Variants in USP30 observed in about 807,000 individuals in gnomAD.
USP30 encodes ubiquitin carboxyl-terminal hydrolase 30.
Under a neutral mutation model 68.2 loss-of-function variants are expected in USP30, and 41 were observed. The observed-to-expected ratio is 0.60, with a 90% CI of 0.47 to 0.78. USP30 has a LOEUF of 0.78. Ranked by LOEUF, USP30 falls within the 30% of genes least tolerant of loss-of-function variation. USP30 has a pLI of 0.00. For synonymous variants in USP30, 229 were observed against 253.7 expected (o/e 0.90, Z 0.93); for missense variants, 522 against 649.4 (o/e 0.80, Z 2.13).
chr12:109,079,118 C>T (rs2041703416), intron 7 of USP30, among the ~76,000 whole-genome samples: 1 of 151,768 alleles, frequency 6.6e-6, no homozygotes, highest in South Asian at 2.1e-4. Context: ...TAAATTTGTA[C>T]TTTTTTTAAC....
intron 3 of USP30, among the ~76,000 whole-genome samples, chr12:109,028,303 T>C (rs916179854): frequency 6.6e-6 from 1 of 152,120 alleles, no homozygotes; most frequent in Admixed American, 6.6e-5. Flanking sequence ...GGGTAATTTA[T>C]AAAGAAAAGA....
intron 3 of USP30, among the ~76,000 whole-genome samples, chr12:109,045,970 G>A (rs1458331121): frequency 6.6e-6 from 1 of 152,030 alleles, no homozygotes; most frequent in Non-Finnish European, 1.5e-5. Context: ...AAGCTAGCAA[G>A]TCCAAAATCT....
chr12:109,079,256 T>C (rs1161929884), intron 7 of USP30, among the ~76,000 whole-genome samples: 1 of 151,672 alleles, frequency 6.6e-6, no homozygotes, highest in African/African-American at 2.4e-5. Flanking sequence ...ATCTTTCTTC[T>C]GTGTGTTCTT....
intron 11 of USP30, among the ~76,000 whole-genome samples, 188 bp downstream of exon 11, chr12:109,083,250 C>G (rs2135829840): frequency 6.6e-6 from 1 of 152,300 alleles, no homozygotes; most frequent in East Asian, 1.9e-4. Context: ...AATTATGTAG[C>G]AGTGAGATGT....
intron 3 of USP30, among the ~76,000 whole-genome samples, chr12:109,041,783 G>A (rs902700224): frequency 9.9e-5 from 15 of 151,940 alleles, no homozygotes; most frequent in African/African-American, 3.1e-4. Context: ...TTGGAAGGTC[G>A]AACTGTGAGT....
intron 3 of USP30, among the ~76,000 whole-genome samples, chr12:109,029,607 A>AC (rs1281357692): frequency 6.6e-6 from 1 of 151,362 alleles, no homozygotes; most frequent in Non-Finnish European, 1.5e-5. Context: ...GAGACTTTCC[A>AC]CCCTCCCTCC....
intron 8 of USP30, 59 bp from the exon 9 acceptor site, chr12:109,081,874 A>G (rs1326537313): frequency 6.5e-7 from 1 of 1,530,322 alleles, no homozygotes; most frequent in Non-Finnish European, 9.1e-7. Context: ...GCCATCTGCT[A>G]ACAGTTTCAG....
chr12:109,041,870 C>G (rs1444881891), intron 3 of USP30, among the ~76,000 whole-genome samples: 5 of 151,500 alleles, frequency 3.3e-5, no homozygotes, highest in Non-Finnish European at 7.4e-5. Flanking sequence ...GAAGCACAAC[C>G]AGAAAAAAAT....
chr12:109,064,582 A>T (rs972093494), intron 3 of USP30, among the ~76,000 whole-genome samples: 1 of 152,164 alleles, frequency 6.6e-6, no homozygotes, highest in Non-Finnish European at 1.5e-5. Flanking sequence ...ACCTGGCCTC[A>T]TTCACTTTTA....
chr12:109,084,239 A>C (rs1022104269), intron 11 of USP30, among the ~76,000 whole-genome samples: 3 of 152,206 alleles, frequency 2.0e-5, no homozygotes, highest in Non-Finnish European at 4.4e-5. Context: ...AACACACACA[A>C]AAAATGTCAT....
At chr12:109,025,752 G>A (rs1045662602) in intron 2 of USP30, among the ~76,000 whole-genome samples, 9 of 151,434 alleles carry the variant, frequency 5.9e-5, no homozygotes, top group Admixed American at 5.3e-4. Context: ...GCTCACTGCA[G>A]CCTGGACAGT....
chr12:109,041,325 T>C lies in USP30; in HGVS notation c.-135-6265T>C, dbSNP rs200296692. Among the ~76,000 whole-genome samples, 3 of 152,248 alleles carry C rather than the reference T, an allele frequency of 2.0e-5. No individual in the cohort carries two copies. In the East Asian group the frequency reaches 5.8e-4, roughly 29 times the overall value. ...CACATCCAAGTTCCTGAAAGCTTGC[T>C]GGGGCTTCATGATTTAAGAAAATGA... On this transcript the variant is annotated intron_variant, in intron 3 of 15. Coordinates refer to the USP30 transcript ENST00000392784.
intron 3 of USP30, among the ~76,000 whole-genome samples, chr12:109,030,372 A>T (rs73413037): frequency 6.6e-6 from 1 of 152,196 alleles, no homozygotes; most frequent in East Asian, 1.9e-4. Flanking sequence ...TGAAACAAAT[A>T]TATGTCAAAC....
chr12:109,061,101 T>C (rs1321461904), intron 3 of USP30, among the ~76,000 whole-genome samples: 1 of 152,156 alleles, frequency 6.6e-6, no homozygotes, highest in Non-Finnish European at 1.5e-5. Context: ...ATGGGAGTTA[T>C]TTCTAAATAG....
chr12:109,061,393 TA>T (rs57688181), intron 3 of USP30, among the ~76,000 whole-genome samples: 101,657 of 138,858 alleles, frequency 0.73, 37,706 homozygotes, highest in East Asian at 0.95. Context: ...AACTTTGGTT[TA>T]AAAAAAAAAA....
intron 2 of USP30, among the ~76,000 whole-genome samples, chr12:109,025,675 T>G (rs1449212751): frequency 6.6e-6 from 1 of 151,892 alleles, no homozygotes; most frequent in Non-Finnish European, 1.5e-5. Flanking sequence ...GAAGTGGAAC[T>G]GCCACTTTTT....
intron 3 of USP30, among the ~76,000 whole-genome samples, chr12:109,027,738 G>A (rs1431048583): frequency 6.6e-6 from 1 of 152,096 alleles, no homozygotes; most frequent in Non-Finnish European, 1.5e-5. Flanking sequence ...TCTTTTATAT[G>A]ACTGAATAAT....
intron 3 of USP30, among the ~76,000 whole-genome samples, chr12:109,030,808 G>T (rs920992008): frequency 6.6e-6 from 1 of 152,114 alleles, no homozygotes; most frequent in Non-Finnish European, 1.5e-5. Context: ...TAGAGAGAGG[G>T]TTTCACCATC....
intron 3 of USP30, among the ~76,000 whole-genome samples, chr12:109,036,063 G>A (rs2040516774): frequency 6.6e-6 from 1 of 152,140 alleles, no homozygotes; most frequent in Non-Finnish European, 1.5e-5. Flanking sequence ...GGGAGGCTGA[G>A]GTGGGAGGAT....
Sources: gnomAD v4.1 joint callset for allele counts (sites outside exome capture counted in the v4.1 genomes callset) on GRCh38, gnomAD v4.1.1 for gene constraint, MANE v1.5 for transcripts, NCBI Gene and HGNC (gene_info 2026-07-23, HGNC 2026-07-21) for gene names.